The following TRMT10B variants were observed in gnomAD, a reference collection of about 807,000 sequenced individuals.
TRMT10B encodes the protein tRNA methyltransferase 10B, also known as tRNA methyltransferase 10 homolog B.
In TRMT10B, 33 loss-of-function variants were observed where a neutral mutation model predicts 43.8. The ratio of observed to expected loss-of-function variants is 0.75; its 90% CI spans 0.57 to 1.01. The LOEUF (loss-of-function observed/expected upper bound fraction) is 1.01. Ranked by LOEUF, TRMT10B falls within the 50% of genes least tolerant of loss-of-function variation. TRMT10B has a pLI of 0.00. For missense variants in TRMT10B, 362 were observed against 369.8 expected, an observed-to-expected ratio of 0.98 and a Z score of 0.17; for synonymous variants, 137 against 130.6, an observed-to-expected ratio of 1.05 and a Z score of -0.34.
rs1826671271 is a variant in TRMT10B at position 37,763,756 on chromosome 9, A to G, written c.420+3A>G. ...TGACCCACTACATGTCAAAGAAGGT[A>G]GAACATCCACTAAGCCTGGAATTCC... On this transcript the variant is annotated splice_donor_region_variant and intron_variant, in intron 4 of 8. Transcript: ENST00000297994. 1 of 1,613,850 alleles carries G rather than the reference A, an allele frequency of 6.2e-7. No homozygotes were observed. The highest frequency in any genetic ancestry group is 1.1e-5 in the South Asian group (1 of 91,072).
chr9:37,774,709 A>T (rs959875030), intron 7 of TRMT10B, among the ~76,000 whole-genome samples: 1 of 152,214 alleles, frequency 6.6e-6, no homozygotes. Context: ...TGTATCGCTT[A>T]AAACATTTTT....
intron 1 of TRMT10B, among the ~76,000 whole-genome samples, chr9:37,754,961 G>C (rs1003482299): frequency 2.0e-5 from 3 of 152,168 alleles, no homozygotes; most frequent in African/African-American, 7.2e-5. Flanking sequence ...CCAGGATTGG[G>C]GAAGGGAGAG....
intron 7 of TRMT10B, among the ~76,000 whole-genome samples, chr9:37,773,484 C>G (rs1428961069): frequency 6.6e-6 from 1 of 152,104 alleles, no homozygotes; most frequent in Non-Finnish European, 1.5e-5. Context: ...GTCTAGATTA[C>G]AGGAATGAAT....
At chr9:37,762,508 C>T in intron 2 of TRMT10B, 69 bp from the exon 3 acceptor site, 2 of 1,511,304 alleles carry the variant, frequency 1.3e-6, no homozygotes. Flanking sequence ...GCAAATGTTT[C>T]TAATGTTCAT....
intron 5 of TRMT10B, 89 bp from the exon 6 acceptor site, chr9:37,769,852 C>G: frequency 1.0e-6 from 1 of 1,001,784 alleles, no homozygotes; most frequent in Non-Finnish European, 1.6e-6. Context: ...ATCCTTCCAC[C>G]TTAGCCTCCC....
chr9:37,759,410 G>T (rs1284645845), intron 1 of TRMT10B, among the ~76,000 whole-genome samples: 1 of 152,244 alleles, frequency 6.6e-6, no homozygotes, highest in Non-Finnish European at 1.5e-5. Context: ...ATATGAAGTT[G>T]TATAATAGAT....
intron 1 of TRMT10B, among the ~76,000 whole-genome samples, chr9:37,757,937 G>T (rs1174884803): frequency 6.6e-6 from 1 of 151,974 alleles, no homozygotes; most frequent in East Asian, 1.9e-4. Flanking sequence ...TTTTAAGTGT[G>T]TCTAAACTGA....
In TRMT10B at chr9:37,776,432, G is replaced by A. The variant is rs769636444; in HGVS notation, c.844+27G>A. ...TACTTCTTACACGGCCCCCATCCAG[G>A]GTGTGTGAGTTCTGGTGCTGCTGCT... On this transcript the variant is annotated intron_variant, in intron 8 of 8. Coordinates refer to ENST00000297994, the MANE Select transcript of TRMT10B (RefSeq NM_144964.4). 6.9e-6 allele frequency: 11 copies of A among 1,591,758 alleles called. No individual in the cohort carries two copies. In the African/African-American group the frequency reaches 1.1e-4, roughly 16 times the overall value.
intron 6 of TRMT10B, 61 bp from the exon 7 acceptor site, chr9:37,770,611 T>C: frequency 6.9e-7 from 1 of 1,442,924 alleles, no homozygotes; most frequent in Non-Finnish European, 9.6e-7. Flanking sequence ...TCATTTTGCT[T>C]TCTCTGGATT....
chr9:37,761,404 G>C (rs1826308936), intron 1 of TRMT10B, among the ~76,000 whole-genome samples: 1 of 152,136 alleles, frequency 6.6e-6, no homozygotes, highest in African/African-American at 2.4e-5. Context: ...TGTCCTCTAA[G>C]AAGTGTATCT....
chr9:37,760,734 G>GT (rs200640852), intron 1 of TRMT10B, among the ~76,000 whole-genome samples: 293 of 151,540 alleles, frequency 1.9e-3, no homozygotes, highest in African/African-American at 5.3e-3. Context: ...TTTCATTGTA[G>GT]TTTTTTTTTA....
At chr9:37,761,328 T>C (rs969957772) in intron 1 of TRMT10B, among the ~76,000 whole-genome samples, 1 of 152,180 alleles carries the variant, frequency 6.6e-6, no homozygotes, top group Non-Finnish European at 1.5e-5. Context: ...AATAAATAAC[T>C]TGGTTATCTG....
At chr9:37,768,390 C>T (rs1380346386) in intron 5 of TRMT10B, among the ~76,000 whole-genome samples, 162 bp downstream of exon 5, 2 of 149,732 alleles carry the variant, frequency 1.3e-5, no homozygotes, top group African/African-American at 5.1e-5. Flanking sequence ...TTTTCTCATC[C>T]TCCTACTGCA....
chr9:37,762,400 T>G (rs912927289), intron 2 of TRMT10B, 177 bp from the exon 3 acceptor site: 9 of 999,288 alleles, frequency 9.0e-6, no homozygotes, highest in Admixed American at 3.2e-5. Flanking sequence ...TGTCTCTTTT[T>G]CTGGGGCTCT....
At chr9:37,770,821 C>T (rs1276102797) in intron 7 of TRMT10B, 82 bp downstream of exon 7, 1 of 1,431,346 alleles carries the variant, frequency 7.0e-7, no homozygotes, top group Non-Finnish European at 9.5e-7. Context: ...ATAGTCTCCT[C>T]TAGAGGGTCT....
Position 37,768,058 on chromosome 9 carries a change from G to C in TRMT10B, c.421-18G>C. On this transcript the variant is annotated intron_variant, in intron 4 of 8. Transcript: ENST00000297994. ...AGTTGGCATGTTTTTGCCCTGAGTT[G>C]TTCTTATTTCTTTGAAGGAATTAAG... 1 of 1,612,492 alleles carries C rather than the reference G, an allele frequency of 6.2e-7. No homozygotes were observed. The highest frequency in any genetic ancestry group is 8.5e-7 in the Non-Finnish European group (1 of 1,179,116).
intron 7 of TRMT10B, among the ~76,000 whole-genome samples, chr9:37,772,120 G>A (rs1194162863): frequency 6.6e-6 from 1 of 152,024 alleles, no homozygotes; most frequent in Non-Finnish European, 1.5e-5. Flanking sequence ...CATTTGAACC[G>A]CCCGCCTCAG....
At chr9:37,776,505 T>C (rs888430266) in intron 8 of TRMT10B, 100 bp downstream of exon 8, 1 of 1,414,734 alleles carries the variant, frequency 7.1e-7, no homozygotes, top group Non-Finnish European at 9.4e-7. Flanking sequence ...CTGTGACTAA[T>C]GTGTGTGGAC....
chr9:37,770,598 CT>C (rs1827464775), intron 6 of TRMT10B, 73 bp from the exon 7 acceptor site: 1 of 1,321,822 alleles, frequency 7.6e-7, no homozygotes, highest in Non-Finnish European at 1.1e-6. Context: ...GTTAATAATT[CT>C]TTCATTTTGC....
Sources: gnomAD v4.1 joint callset for allele counts (sites outside exome capture counted in the v4.1 genomes callset) on GRCh38, gnomAD v4.1.1 for gene constraint, MANE v1.5 for transcripts, NCBI Gene and HGNC (gene_info 2026-07-23, HGNC 2026-07-21) for gene names.